Variants in CWC22 observed in about 807,000 individuals in gnomAD.
The protein encoded by CWC22 is pre-mRNA-splicing factor CWC22 homolog.
Under a neutral mutation model 117.2 loss-of-function variants are expected in CWC22, and 53 were observed. The observed-to-expected ratio is 0.45, with a 90% CI of 0.36 to 0.57. The LOEUF (loss-of-function observed/expected upper bound fraction) is 0.57. Ranked by LOEUF, CWC22 falls within the 20% of genes least tolerant of loss-of-function variation. The pLI is 0.00. For missense variants in CWC22, 980 were observed against 1,068.8 expected (o/e 0.92, Z 1.16); for synonymous variants, 360 against 355.6 (o/e 1.01, Z -0.14).
At position 179,950,645 on chromosome 2, in the gene CWC22, G is replaced by A; in HGVS notation, c.2007C>T (p.Ser669=). 2 of 1,613,600 alleles carry A rather than the reference G, an allele frequency of 1.2e-6. No homozygotes were observed. The highest frequency in any genetic ancestry group is 1.1e-5 in the South Asian group (1 of 91,080). Residue 669 remains serine, a synonymous_variant, in exon 19 of 20, where the codon TCC becomes TCT. Coordinates refer to ENST00000410053, the MANE Select transcript of CWC22 (RefSeq NM_020943.3). ...PDVEQNKSSP[S]SSSSASSSSE... ...AAGAGGAGGACGCTGAAGAGGAAGA[G>A]GATGGGGAGGATTTATTTTGCTCAA...
intron 8 of CWC22, 122 bp downstream of exon 8, chr2:179,973,071 T>C (rs1687072516): frequency 2.2e-6 from 1 of 455,620 alleles, no homozygotes. Flanking sequence ...GAAAATATCA[T>C]CCAACATTTT....
At chr2:179,970,220 C>A (rs982795215) in intron 11 of CWC22, among the ~76,000 whole-genome samples, 7 of 152,164 alleles carry the variant, frequency 4.6e-5, no homozygotes, top group Non-Finnish European at 7.4e-5. Context: ...TAAAGGCCAC[C>A]ACTAATCTAT....
At chr2:179,955,435 G>A (rs1216137792) in intron 14 of CWC22, among the ~76,000 whole-genome samples, 1 of 151,752 alleles carries the variant, frequency 6.6e-6, no homozygotes. Context: ...ATGTCCCAAG[G>A]ATATGAATTC....
chr2:179,960,093 G>A (rs889437439), intron 13 of CWC22, among the ~76,000 whole-genome samples: 1 of 152,038 alleles, frequency 6.6e-6, no homozygotes, highest in Non-Finnish European at 1.5e-5. Flanking sequence ...CTTATCGAAT[G>A]TTTTCCCACT....
At chr2:179,955,759 A>G (rs1686573973) in intron 14 of CWC22, among the ~76,000 whole-genome samples, 1 of 152,050 alleles carries the variant, frequency 6.6e-6, no homozygotes, top group Admixed American at 6.6e-5. Flanking sequence ...AAGAAATACT[A>G]TCATCACAGA....
chr2:179,997,129 G>A (rs1687724520), intron 1 of CWC22, among the ~76,000 whole-genome samples: 2 of 151,868 alleles, frequency 1.3e-5, no homozygotes, highest in Non-Finnish European at 2.9e-5. Context: ...ACTCTTTACA[G>A]CAAAAATTAT....
intron 4 of CWC22, among the ~76,000 whole-genome samples, chr2:179,983,368 G>C (rs1253680503): frequency 6.6e-6 from 1 of 152,012 alleles, no homozygotes; most frequent in African/African-American, 2.4e-5. Flanking sequence ...GTGGTATTTG[G>C]TTTTCAGTTC....
rs1432737908 is a variant in CWC22 at position 179,993,828 on chromosome 2, GA to G, written c.-113-375del. 9.2e-5 allele frequency among the ~76,000 whole-genome samples: 14 copies of G among 151,976 alleles called. 1 individual carries two copies. The highest frequency in any genetic ancestry group is 1.3e-4 in the Non-Finnish European group (9 of 67,958). On this transcript the variant is annotated intron_variant, in intron 1 of 19. Transcript: ENST00000410053. ...AAAAACCTGAGGAAACGATAGAAGA[GA>G]AACTCTATATAAACTGAGTATAAAA...
Position 179,971,013 on chromosome 2 carries a change from C to T in CWC22, c.868G>A (p.Val290Ile), listed in dbSNP as rs770441936. The T allele has an allele frequency of 1.2e-5, 19 of 1,610,426 alleles. No individual in the cohort carries two copies. The East Asian group carries it at 1.3e-4, about 11-fold the overall frequency. The change falls in exon 9 of 20, where the codon GTT (valine) becomes ATT (isoleucine). Residue 290 changes from valine (V) to isoleucine (I), a missense_variant. Val to Ile is a conservative substitution (Grantham distance 29). Around this residue, in one of 3 missense-constraint regions of CWC22, gnomAD observed 559 missense variants for 602.3 expected, o/e 0.93. Coordinates refer to ENST00000410053, the MANE Select transcript of CWC22 (RefSeq NM_020943.3). The stretch of plus-strand genomic sequence containing the variant: ...TTAAGAAAACCAATAGCTACTTCAA[C>T]GCTATCATCTGTTGGTCTTTCCAGG... ...LLLERPTDDS[V>I]EVAIGFLKEC...
intron 11 of CWC22, 57 bp downstream of exon 11, chr2:179,970,444 A>C (rs542033671): frequency 7.2e-7 from 1 of 1,392,948 alleles, no homozygotes; most frequent in African/African-American, 1.5e-5. Flanking sequence ...GTATTACGTA[A>C]CTACTTAAAT....
At position 179,973,626 on chromosome 2, in the gene CWC22, A is replaced by G. The variant is rs1263494718; in HGVS notation, c.750+8T>C. 6.4e-7 allele frequency: 1 copy of G among 1,551,614 alleles called. No homozygotes were observed. Among genetic ancestry groups the G allele is most frequent in the African/African-American group, 1.4e-5 (1 of 73,786 alleles). On this transcript the variant is annotated splice_region_variant and intron_variant, in intron 7 of 19. Coordinates refer to ENST00000410053, the MANE Select transcript of CWC22 (RefSeq NM_020943.3). ...GTATCATTCTACTTACAAGCCATTC[A>G]TATATACCTTGTCATTTCTTCGATA...
At chr2:179,958,410 T>G (rs1158766044) in intron 14 of CWC22, among the ~76,000 whole-genome samples, 1 of 151,908 alleles carries the variant, frequency 6.6e-6, no homozygotes, top group African/African-American at 2.4e-5. Flanking sequence ...ATATGTGCTG[T>G]GATCTTTATC....
chr2:179,988,703 T>A, intron 2 of CWC22, 59 bp from the exon 3 acceptor site: 1 of 835,918 alleles, frequency 1.2e-6, no homozygotes, highest in African/African-American at 1.8e-5. Flanking sequence ...TAACACAGAC[T>A]GAAATACATG....
chr2:179,954,395 G>A, intron 15 of CWC22, 38 bp from the exon 16 acceptor site: 2 of 1,285,566 alleles, frequency 1.6e-6, no homozygotes, highest in Non-Finnish European at 2.2e-6. Flanking sequence ...AAAATTGAAT[G>A]TTAATACAAT....
At chr2:179,963,756 A>T (rs2105520548) in intron 13 of CWC22, among the ~76,000 whole-genome samples, 1 of 152,336 alleles carries the variant, frequency 6.6e-6, no homozygotes, top group South Asian at 2.1e-4. Context: ...AAAGCCAAAA[A>T]ATGTTCAGAC....
intron 14 of CWC22, among the ~76,000 whole-genome samples, chr2:179,957,294 GA>G (rs1344753172): frequency 1.3e-5 from 2 of 151,948 alleles, no homozygotes; most frequent in Non-Finnish European, 2.9e-5. Flanking sequence ...GGAAAAAAAG[GA>G]ATCTTTTACA....
intron 3 of CWC22, among the ~76,000 whole-genome samples, chr2:179,987,264 C>T (rs1450188320): frequency 6.6e-6 from 1 of 152,082 alleles, no homozygotes. Flanking sequence ...CTTGAAAATG[C>T]ATTACTGGAC....
At position 179,975,567 on chromosome 2, in the gene CWC22, CTAATT is replaced by C. The variant is rs546241384; in HGVS notation, c.582-1770_582-1766del. On this transcript the variant is annotated intron_variant, in intron 6 of 19. Coordinates refer to ENST00000410053, the MANE Select transcript of CWC22 (RefSeq NM_020943.3). ...CCAAAAAATTGTTAGAACTAATAAA[CTAATT>C]TAGTAAAGCTGCAGACACAAAATCA... Among the ~76,000 whole-genome samples, 588 of 152,166 alleles carry C rather than the reference CTAATT, an allele frequency of 3.9e-3. 2 individuals carry two copies. The highest frequency in any genetic ancestry group is 0.014 in the African/African-American group (568 of 41,534).
At chr2:179,993,535 A>G (rs754726040) in intron 1 of CWC22, 81 bp from the exon 2 acceptor site, 4 of 521,732 alleles carry the variant, frequency 7.7e-6, no homozygotes, top group Non-Finnish European at 1.4e-5. Flanking sequence ...TACAATGGAC[A>G]TTTGACCGCT....
Sources: gnomAD v4.1 joint callset for allele counts (sites outside exome capture counted in the v4.1 genomes callset) on GRCh38, gnomAD v4.1.1 for gene constraint, gnomAD v4.1.1 regional missense constraint, MANE v1.5 for transcripts, NCBI Gene and HGNC (gene_info 2026-07-23, HGNC 2026-07-21) for gene names.